Variants in CNTNAP2 observed in about 807,000 individuals in gnomAD.
CNTNAP2 encodes the protein contactin-associated protein-like 2.
A neutral mutation model predicts 155.2 loss-of-function variants in CNTNAP2; 98 were observed. The observed-to-expected ratio is 0.63, with a 90% CI of 0.54 to 0.75. The LOEUF is 0.75. Ranked by LOEUF, CNTNAP2 falls within the 30% of genes least tolerant of loss-of-function variation. The probability of loss-of-function intolerance (pLI) is 0.00; values close to 1 mark genes in which losing one functional copy is unlikely to be tolerated. For synonymous variants in CNTNAP2, 651 were observed against 631.2 expected, an observed-to-expected ratio of 1.03 and a Z score of -0.47; for missense variants, 1,727 against 1,688.1, an observed-to-expected ratio of 1.02 and a Z score of -0.40.
At chr7:148,346,111 C>G (rs925277045) in intron 21 of CNTNAP2, among the ~76,000 whole-genome samples, 8 of 152,106 alleles carry the variant, frequency 5.3e-5, no homozygotes, top group Admixed American at 1.3e-4. Context: ...GATGGAGACC[C>G]CTTCATCCTT....
At chr7:147,573,582 G>T (rs1800334466) in intron 12 of CNTNAP2, among the ~76,000 whole-genome samples, 2 of 152,196 alleles carry the variant, frequency 1.3e-5, no homozygotes. Flanking sequence ...AGGCAGCAGG[G>T]CATGGAGGAC....
intron 1 of CNTNAP2, among the ~76,000 whole-genome samples, chr7:146,484,624 G>A (rs557222252): frequency 1.4e-4 from 22 of 151,908 alleles, no homozygotes; most frequent in South Asian, 4.2e-4. Flanking sequence ...CTCTGAAACC[G>A]TATCAGAAAG....
intron 10 of CNTNAP2, among the ~76,000 whole-genome samples, chr7:147,428,881 G>C (rs1480910410): frequency 3.3e-5 from 5 of 152,064 alleles, no homozygotes; most frequent in African/African-American, 7.2e-5. Flanking sequence ...CCTATCACCT[G>C]AGCAGAGTAC....
chr7:146,273,117 G>A (rs1800109790), intron 1 of CNTNAP2, among the ~76,000 whole-genome samples: 1 of 146,420 alleles, frequency 6.8e-6, no homozygotes, highest in African/African-American at 2.7e-5. Context: ...AGAGAGATCA[G>A]AAAGGAGACA....
intron 1 of CNTNAP2, among the ~76,000 whole-genome samples, chr7:146,695,426 T>G (rs1366715694): frequency 1.3e-5 from 2 of 152,002 alleles, no homozygotes; most frequent in Non-Finnish European, 2.9e-5. Flanking sequence ...AATTAATTAT[T>G]TTTTTTGAGA....
At chr7:147,322,614 CT>C (rs1393005228) in intron 9 of CNTNAP2, among the ~76,000 whole-genome samples, 2 of 147,724 alleles carry the variant, frequency 1.4e-5, no homozygotes, top group African/African-American at 5.1e-5. Flanking sequence ...AGGATTCCCT[CT>C]TTTTCTATTG....
At chr7:146,190,254 A>AT (rs1448150732) in intron 1 of CNTNAP2, among the ~76,000 whole-genome samples, 2 of 152,142 alleles carry the variant, frequency 1.3e-5, no homozygotes, top group African/African-American at 2.4e-5. Flanking sequence ...AACCAAGGAG[A>AT]TAAGCAGTGA....
intron 14 of CNTNAP2, among the ~76,000 whole-genome samples, chr7:147,948,449 C>A (rs775319591): frequency 5.4e-5 from 8 of 149,296 alleles, no homozygotes; most frequent in Non-Finnish European, 1.2e-4. Flanking sequence ...TATTGTATAC[C>A]CAGAAAATTA....
At chr7:146,790,854 C>A (rs1003614209) in intron 2 of CNTNAP2, among the ~76,000 whole-genome samples, 2 of 152,006 alleles carry the variant, frequency 1.3e-5, no homozygotes, top group Non-Finnish European at 2.9e-5. Context: ...CAGGCGTGAG[C>A]CACCACGCCT....
rs1457489359 is a variant in CNTNAP2 at position 148,061,944 on chromosome 7, GATAAACAGAT to G, written c.2384-56170_2384-56161del. Reference sequence around the variant, plus strand: ...ATATAGATAGATAGATAGATAGATAGATAAACAGATATAGATAGATAGATAGATAGATAGA... The same window carrying G: ...ATATAGATAGATAGATAGATAGATAGATAGATAGATAGATAGATAGATAGA... On this transcript the variant is annotated intron_variant, in intron 15 of 23. Coordinates refer to ENST00000361727, the MANE Select transcript of CNTNAP2 (RefSeq NM_014141.6). Among the ~76,000 whole-genome samples, 116 of 133,160 alleles carry G rather than the reference GATAAACAGAT, an allele frequency of 8.7e-4. 3 individuals carry two copies. Among genetic ancestry groups the G allele is most frequent in the African/African-American group, 1.8e-3 (58 of 32,594 alleles). The allele number at this position is 133,160 out of a possible 152,430, so 87.4% of individuals were successfully genotyped here. A position where few individuals can be genotyped will look rare whatever the true frequency, so the allele number is the denominator to read the frequency against.
intron 9 of CNTNAP2, among the ~76,000 whole-genome samples, chr7:147,343,375 A>G (rs1202432912): frequency 1.3e-5 from 2 of 152,084 alleles, no homozygotes; most frequent in Non-Finnish European, 2.9e-5. Context: ...GAAATTGGCC[A>G]TTTCCCCCTC....
intron 21 of CNTNAP2, among the ~76,000 whole-genome samples, chr7:148,364,807 C>A (rs1020118444): frequency 2.0e-5 from 3 of 152,180 alleles, no homozygotes; most frequent in Non-Finnish European, 4.4e-5. Context: ...CATTGGCAAC[C>A]CGCTCGGGTC....
chr7:148,101,487 C>T (rs62471704), intron 15 of CNTNAP2, among the ~76,000 whole-genome samples: 1,846 of 152,032 alleles, frequency 0.012, 15 homozygotes, highest in Non-Finnish European at 0.019. Flanking sequence ...ACTAAATGCA[C>T]TTGAAATTTA....
intron 1 of CNTNAP2, among the ~76,000 whole-genome samples, chr7:146,655,413 C>CAAAAAAAA (rs66710703): frequency 1.3e-5 from 1 of 74,298 alleles, no homozygotes. Flanking sequence ...GACTCTGTCT[C>CAAAAAAAA]AAAAAAAAAA....
rs1799998206 is a variant in CNTNAP2 at position 148,416,630 on chromosome 7, CT to C, written c.*1015del. The C allele has an allele frequency of 6.6e-6, 1 of 152,646 alleles. No individual in the cohort carries two copies. The highest frequency in any genetic ancestry group is 6.5e-5 in the Admixed American group (1 of 15,280). 9.5% of individuals were successfully genotyped at this position (152,646 alleles called of 1,614,324 possible). ...TAAATCTCTGGTAGTTTTTCCACCC[CT>C]GTGACACAATCCTAATAGACAGTGT... On this transcript the variant is annotated 3_prime_UTR_variant, in exon 24 of 24. Transcript: ENST00000361727.
intron 21 of CNTNAP2, among the ~76,000 whole-genome samples, chr7:148,275,766 G>A (rs1420958646): frequency 6.6e-6 from 1 of 152,140 alleles, no homozygotes; most frequent in Non-Finnish European, 1.5e-5. Context: ...AACAGCAAAT[G>A]TAGAAGCTGA....
chr7:147,203,176 T>C (rs1299064701), intron 8 of CNTNAP2, among the ~76,000 whole-genome samples: 3 of 152,316 alleles, frequency 2.0e-5, no homozygotes, highest in African/African-American at 7.2e-5. Flanking sequence ...AGTTATTTGA[T>C]AAATTCAATA....
chr7:146,270,374 G>A (rs892806258), intron 1 of CNTNAP2, among the ~76,000 whole-genome samples: 6 of 152,088 alleles, frequency 3.9e-5, no homozygotes, highest in Non-Finnish European at 7.4e-5. Context: ...GCAATTGAGT[G>A]GCCCTTCCAC....
intron 8 of CNTNAP2, among the ~76,000 whole-genome samples, chr7:147,172,917 C>T (rs964883977): frequency 4.6e-5 from 7 of 151,962 alleles, no homozygotes; most frequent in African/African-American, 1.7e-4. Flanking sequence ...TTATCATTTA[C>T]CACAAAATAT....
Sources: allele counts gnomAD v4.1 joint callset (sites outside exome capture counted in the v4.1 genomes callset), GRCh38; gene constraint gnomAD v4.1.1; transcripts MANE v1.5; gene names NCBI Gene and HGNC (gene_info 2026-07-23, HGNC 2026-07-21).